The following PPTC7 variants were observed in gnomAD, a reference collection of about 807,000 sequenced individuals.
PPTC7 encodes the protein protein phosphatase targeting COQ7.
A neutral mutation model predicts 30.8 loss-of-function variants in PPTC7; 6 were observed. The ratio of observed to expected loss-of-function variants is 0.19; its 90% CI spans 0.11 to 0.38. PPTC7 has a LOEUF of 0.38. PPTC7 is among the 10% of genes least tolerant of loss of function. The probability of loss-of-function intolerance (pLI) is 1.00; values close to 1 mark genes in which losing one functional copy is unlikely to be tolerated. For synonymous variants in PPTC7, 163 were observed against 168.1 expected, an observed-to-expected ratio of 0.97 and a Z score of 0.23; for missense variants, 218 against 404.8, an observed-to-expected ratio of 0.54 and a Z score of 3.96.
chr12:110,539,622 C>T (rs2064241690), intron 4 of PPTC7, among the ~76,000 whole-genome samples, 200 bp downstream of exon 4: 1 of 152,220 alleles, frequency 6.6e-6, no homozygotes, highest in South Asian at 2.1e-4. Context: ...CCTACTTCTA[C>T]CAGCCTATGA....
At chr12:110,549,689 G>A (rs2064336368) in intron 2 of PPTC7, among the ~76,000 whole-genome samples, 4 of 152,192 alleles carry the variant, frequency 2.6e-5, no homozygotes, top group Admixed American at 2.6e-4. Context: ...TGAACAGAAA[G>A]GGAAAGTAGG....
At chr12:110,576,249 TTAAAG>T (rs1392180071) in intron 1 of PPTC7, among the ~76,000 whole-genome samples, 1 of 151,900 alleles carries the variant, frequency 6.6e-6, no homozygotes, top group Non-Finnish European at 1.5e-5. Context: ...GCTGCAATTT[TTAAAG>T]TATTTTCCCT....
intron 1 of PPTC7, among the ~76,000 whole-genome samples, chr12:110,567,294 C>T (rs1322226446): frequency 3.3e-5 from 5 of 152,194 alleles, no homozygotes; most frequent in Non-Finnish European, 5.9e-5. Context: ...CCAGGGTGGG[C>T]CTAGGCCTCT....
chr12:110,557,441 CTTTTT>C (rs558549027), intron 1 of PPTC7, among the ~76,000 whole-genome samples: 1 of 148,846 alleles, frequency 6.7e-6, no homozygotes, highest in South Asian at 2.1e-4. Flanking sequence ...CACCCCGCTA[CTTTTT>C]TTTTTAAGTT....
intron 1 of PPTC7, among the ~76,000 whole-genome samples, chr12:110,563,915 T>C (rs988024804): frequency 3.9e-5 from 6 of 152,342 alleles, no homozygotes; most frequent in Admixed American, 3.3e-4. Flanking sequence ...TAGGAAACAA[T>C]TGTGTGAAGG....
intron 2 of PPTC7, among the ~76,000 whole-genome samples, chr12:110,547,965 G>C (rs2064321238): frequency 1.3e-5 from 2 of 152,126 alleles, no homozygotes; most frequent in Non-Finnish European, 2.9e-5. Flanking sequence ...AAATTAGCTG[G>C]ACGTGGTGGT....
chr12:110,537,460 A>G (rs2064227600), intron 5 of PPTC7, among the ~76,000 whole-genome samples: 1 of 152,242 alleles, frequency 6.6e-6, no homozygotes, highest in Non-Finnish European at 1.5e-5. Flanking sequence ...TTTTGAAACT[A>G]GGAATAGCCT....
intron 1 of PPTC7, among the ~76,000 whole-genome samples, chr12:110,573,499 A>G (rs1025589540): frequency 1.3e-5 from 2 of 152,348 alleles, no homozygotes; most frequent in African/African-American, 4.8e-5. Flanking sequence ...AGCTTTACAG[A>G]GTAGGATGCA....
chr12:110,549,678 G>C (rs1376404511), intron 2 of PPTC7, among the ~76,000 whole-genome samples: 2 of 152,124 alleles, frequency 1.3e-5, no homozygotes, highest in African/African-American at 4.8e-5. Flanking sequence ...TTACATGAGG[G>C]TGAACAGAAA....
At chr12:110,571,551 T>C (rs1346054391) in intron 1 of PPTC7, among the ~76,000 whole-genome samples, 2 of 152,190 alleles carry the variant, frequency 1.3e-5, no homozygotes, top group African/African-American at 2.4e-5. Context: ...ACAGTATTAA[T>C]TGACTTCACG....
intron 1 of PPTC7, among the ~76,000 whole-genome samples, chr12:110,581,458 A>G (rs781427299): frequency 4.0e-5 from 6 of 151,858 alleles, no homozygotes; most frequent in South Asian, 2.1e-4. Flanking sequence ...TGAGTGAGGC[A>G]CTTCTAAATG....
intron 4 of PPTC7, among the ~76,000 whole-genome samples, chr12:110,538,988 T>A (rs985077577): frequency 1.3e-5 from 2 of 152,230 alleles, no homozygotes; most frequent in African/African-American, 2.4e-5. Context: ...TCCACTAGGA[T>A]GTAAGTTCCA....
chr12:110,569,228 A>G (rs1271506906), intron 1 of PPTC7, among the ~76,000 whole-genome samples: 1 of 151,676 alleles, frequency 6.6e-6, no homozygotes, highest in Non-Finnish European at 1.5e-5. Context: ...AGCTACACGG[A>G]AGGCTAAGGA....
At chr12:110,550,162 T>TA (rs1277454668) in intron 2 of PPTC7, among the ~76,000 whole-genome samples, 1 of 151,246 alleles carries the variant, frequency 6.6e-6, no homozygotes, top group Non-Finnish European at 1.5e-5. Flanking sequence ...ACAAAGGGCT[T>TA]AAACTGAAAG....
At chr12:110,543,603 T>C (rs1312023199) in intron 3 of PPTC7, among the ~76,000 whole-genome samples, 1 of 152,222 alleles carries the variant, frequency 6.6e-6, no homozygotes, top group Non-Finnish European at 1.5e-5. Flanking sequence ...AGCTCTGTTT[T>C]ATGCTGAGGT....
Position 110,583,214 on chromosome 12 carries a change from C to G in PPTC7, c.-183G>C, listed in dbSNP as rs1393882303. ...CCTCGCACGCGCTCAGCCGCGCGCA[C>G]CGGAGCCAGAGCGAGGTCAGAAGCG... On this transcript the variant is annotated 5_prime_UTR_variant, in exon 1 of 6. Transcript: ENST00000354300. 4.6e-6 allele frequency: 1 copy of G among 216,028 alleles called. No homozygotes were observed. Among genetic ancestry groups the G allele is most frequent in the Non-Finnish European group, 8.6e-6 (1 of 116,510 alleles). 13.4% of individuals were successfully genotyped at this position (216,028 alleles called of 1,614,324 possible).
intron 1 of PPTC7, among the ~76,000 whole-genome samples, chr12:110,558,623 TTTTG>T (rs1456957002): frequency 2.6e-5 from 4 of 152,186 alleles, no homozygotes; most frequent in South Asian, 2.1e-4. Context: ...CCTTTAGTGT[TTTTG>T]TTTGTTTTTG....
chr12:110,550,293 C>T (rs984472823), intron 2 of PPTC7, among the ~76,000 whole-genome samples: 3 of 140,998 alleles, frequency 2.1e-5, no homozygotes, highest in East Asian at 4.3e-4. Context: ...TGCAGTGGCG[C>T]GATTTTGGCT....
chr12:110,552,795 C>G (rs968572309), intron 1 of PPTC7, among the ~76,000 whole-genome samples: 2 of 152,072 alleles, frequency 1.3e-5, no homozygotes, highest in Non-Finnish European at 2.9e-5. Flanking sequence ...ACCCGCGAGG[C>G]AGAGCTTGCA....
Sources: gnomAD v4.1 joint callset for allele counts (sites outside exome capture counted in the v4.1 genomes callset) on GRCh38, gnomAD v4.1.1 for gene constraint, MANE v1.5 for transcripts, NCBI Gene and HGNC (gene_info 2026-07-23, HGNC 2026-07-21) for gene names.